PPP2R3A: variants seen among roughly 807,000 people sequenced by gnomAD.
PPP2R3A encodes the protein serine/threonine-protein phosphatase 2A regulatory subunit B'' subunit alpha.
In PPP2R3A, 80 loss-of-function variants were observed where a neutral mutation model predicts 106.9. The observed-to-expected ratio is 0.75, with a 90% CI of 0.62 to 0.90. The LOEUF is 0.90. Ranked by LOEUF, PPP2R3A falls within the 40% of genes least tolerant of loss-of-function variation. PPP2R3A has a pLI of 0.00. For missense variants in PPP2R3A, 1,386 were observed against 1,350.4 expected, an observed-to-expected ratio of 1.03 and a Z score of -0.41; for synonymous variants, 483 against 468.3, an observed-to-expected ratio of 1.03 and a Z score of -0.41.
intron 12 of PPP2R3A, 80 bp downstream of exon 12, chr3:136,103,456 A>G: frequency 4.1e-6 from 4 of 977,116 alleles, no homozygotes; most frequent in Non-Finnish European, 6.1e-6. Context: ...TGGTCTCTGC[A>G]TGCTGGAATT....
intron 4 of PPP2R3A, 86 bp downstream of exon 4, chr3:136,041,048 C>T (rs960131673): frequency 1.8e-4 from 187 of 1,051,536 alleles, no homozygotes; most frequent in Non-Finnish European, 2.4e-4. Context: ...CTATTTTACT[C>T]ATTTATACAT....
intron 13 of PPP2R3A, among the ~76,000 whole-genome samples, chr3:136,130,278 G>C (rs1345204299): frequency 6.6e-6 from 1 of 152,154 alleles, no homozygotes; most frequent in Non-Finnish European, 1.5e-5. Context: ...CATCGTCTCA[G>C]CCAAAAATCT....
rs559292114 is a variant in PPP2R3A at position 136,054,197 on chromosome 3, AC to A, written c.2469+4838del. On this transcript the variant is annotated intron_variant, in intron 5 of 13. Coordinates refer to ENST00000264977, the MANE Select transcript of PPP2R3A (RefSeq NM_002718.5). ...ATTCCCCCTACACACATACACATAC[AC>A]CTATAAGCACATTAAATACTACTTT... Among the ~76,000 whole-genome samples the A allele has an allele frequency of 2.6e-4, 39 of 148,714 alleles. 1 individual carries two copies. The East Asian group carries it at 5.8e-3, about 22-fold the overall frequency.
chr3:136,046,871 A>G (rs1377231342), intron 4 of PPP2R3A, among the ~76,000 whole-genome samples: 1 of 152,240 alleles, frequency 6.6e-6, no homozygotes, highest in Non-Finnish European at 1.5e-5. Flanking sequence ...CCAAGAGTTG[A>G]AAGATGACAC....
intron 13 of PPP2R3A, among the ~76,000 whole-genome samples, chr3:136,130,643 A>T (rs910912482): frequency 6.6e-6 from 1 of 152,132 alleles, no homozygotes; most frequent in African/African-American, 2.4e-5. Flanking sequence ...TTTCTTCACA[A>T]AATTGGAAAA....
chr3:136,034,045 T>C (rs1368861512), intron 3 of PPP2R3A, among the ~76,000 whole-genome samples: 6 of 150,264 alleles, frequency 4.0e-5, no homozygotes, highest in African/African-American at 7.3e-5. Context: ...TTTTCTTTTT[T>C]TTTTTTTTTG....
intron 10 of PPP2R3A, among the ~76,000 whole-genome samples, chr3:136,093,963 T>C (rs951364350): frequency 2.6e-5 from 4 of 152,162 alleles, no homozygotes; most frequent in East Asian, 1.9e-4. Context: ...TCATTCACAA[T>C]AGCCAAAAGT....
intron 2 of PPP2R3A, among the ~76,000 whole-genome samples, chr3:136,009,908 T>C (rs1220868534): frequency 3.3e-5 from 5 of 152,212 alleles, no homozygotes; most frequent in Admixed American, 3.3e-4. Flanking sequence ...GCAGCTGAAC[T>C]TGGCTACAGA....
At chr3:136,129,944 G>A (rs540484935) in intron 13 of PPP2R3A, among the ~76,000 whole-genome samples, 2 of 152,222 alleles carry the variant, frequency 1.3e-5, no homozygotes, top group South Asian at 2.1e-4. Context: ...TGCAGAAAAG[G>A]CCTTCAACAA....
chr3:136,068,881 G>A (rs1451453765), intron 5 of PPP2R3A, among the ~76,000 whole-genome samples: 2 of 152,158 alleles, frequency 1.3e-5, no homozygotes, highest in African/African-American at 4.8e-5. Flanking sequence ...TATGCCCAGT[G>A]ATGCACTGAA....
At chr3:135,985,303 G>GTC (rs1257873070) in intron 1 of PPP2R3A, among the ~76,000 whole-genome samples, 5 of 148,922 alleles carry the variant, frequency 3.4e-5, no homozygotes, top group Admixed American at 1.3e-4. Flanking sequence ...TGCTCACTTT[G>GTC]TCTCTCTCTC....
intron 10 of PPP2R3A, among the ~76,000 whole-genome samples, chr3:136,094,035 A>G (rs1485401611): frequency 6.6e-6 from 1 of 152,266 alleles, no homozygotes; most frequent in East Asian, 1.9e-4. Flanking sequence ...ATACAGCAGT[A>G]AAGAGAAATG....
intron 13 of PPP2R3A, among the ~76,000 whole-genome samples, chr3:136,128,038 G>A (rs924559068): frequency 4.6e-5 from 7 of 152,174 alleles, no homozygotes; most frequent in South Asian, 2.1e-4. Flanking sequence ...AGAAGCAACC[G>A]GAACGACCCA....
chr3:135,974,539 C>G (rs1937356914), intron 1 of PPP2R3A, among the ~76,000 whole-genome samples: 1 of 152,204 alleles, frequency 6.6e-6, no homozygotes, highest in South Asian at 2.1e-4. Context: ...TACTGCTCTT[C>G]CCTGTGCTTG....
intron 10 of PPP2R3A, among the ~76,000 whole-genome samples, chr3:136,095,748 G>T (rs540556013): frequency 4.1e-4 from 63 of 152,146 alleles, no homozygotes; most frequent in African/African-American, 1.5e-3. Flanking sequence ...ATTGATACTT[G>T]TTTCCTTGGT....
intron 4 of PPP2R3A, among the ~76,000 whole-genome samples, chr3:136,044,144 T>C (rs1042438063): frequency 6.6e-6 from 1 of 152,228 alleles, no homozygotes; most frequent in African/African-American, 2.4e-5. Context: ...TTAGCATCTA[T>C]TGCGTGAATC....
chr3:136,014,550 A>G (rs572003900), intron 2 of PPP2R3A, among the ~76,000 whole-genome samples: 6 of 152,044 alleles, frequency 3.9e-5, no homozygotes, highest in Admixed American at 1.3e-4. Context: ...TCGGTTAGGT[A>G]TATTCTTATG....
chr3:136,108,709 T>C (rs1033755399), intron 13 of PPP2R3A, among the ~76,000 whole-genome samples: 5 of 151,818 alleles, frequency 3.3e-5, no homozygotes, highest in Admixed American at 2.6e-4. Flanking sequence ...GTTTTTTTTT[T>C]CCAGTTTTAA....
chr3:136,010,830 C>T (rs975085849), intron 2 of PPP2R3A, among the ~76,000 whole-genome samples: 2 of 152,134 alleles, frequency 1.3e-5, no homozygotes, highest in Non-Finnish European at 2.9e-5. Context: ...CCATTTCTCC[C>T]CTGCAGTCAT....
Sources: gnomAD v4.1 joint callset for allele counts (sites outside exome capture counted in the v4.1 genomes callset) on GRCh38, gnomAD v4.1.1 for gene constraint, MANE v1.5 for transcripts, NCBI Gene and HGNC (gene_info 2026-07-23, HGNC 2026-07-21) for gene names.